Variants in DNAI4 observed in about 807,000 individuals in gnomAD.
The protein encoded by DNAI4 is dynein axonemal intermediate chain 4.
In DNAI4, 85 loss-of-function variants were observed where a neutral mutation model predicts 105.8. That is an observed-to-expected ratio of 0.80 (90% confidence interval 0.67 to 0.96). The LOEUF (loss-of-function observed/expected upper bound fraction) is 0.96. Ranked by LOEUF, DNAI4 falls within the 40% of genes least tolerant of loss-of-function variation. DNAI4 has a pLI of 0.00. For missense variants in DNAI4, 1,014 were observed against 1,005.6 expected, an observed-to-expected ratio of 1.01 and a Z score of -0.11; for synonymous variants, 352 against 331.5, an observed-to-expected ratio of 1.06 and a Z score of -0.67.
At chr1:66,908,541 T>G (rs905775565) in intron 1 of DNAI4, among the ~76,000 whole-genome samples, 1 of 152,248 alleles carries the variant, frequency 6.6e-6, no homozygotes, top group Non-Finnish European at 1.5e-5. Context: ...GGTAGTCCCC[T>G]GTGGTGTGGT....
intron 1 of DNAI4, among the ~76,000 whole-genome samples, chr1:66,922,187 A>C (rs1650537270): frequency 1.3e-5 from 2 of 152,130 alleles, no homozygotes; most frequent in Admixed American, 6.5e-5. Context: ...TCAGCCTCAT[A>C]AAGTGGTGGA....
Position 66,885,260 on chromosome 1 carries a change from G to A in DNAI4, c.643+5894C>T, listed in dbSNP as rs555249591. 7.2e-5 allele frequency among the ~76,000 whole-genome samples: 11 copies of A among 152,234 alleles called. No individual in the cohort carries two copies. In the South Asian group the frequency reaches 2.3e-3, roughly 32 times the overall value. On this transcript the variant is annotated intron_variant, in intron 4 of 16. Coordinates refer to ENST00000371026, the MANE Select transcript of DNAI4 (RefSeq NM_024763.5). ...AAGTATGTTTTATGGCCCAGAATGT[G>A]GTCTACAGAATGCCATCTAGCCTTT...
intron 2 of DNAI4, among the ~76,000 whole-genome samples, chr1:66,901,262 C>CT (rs199694283): frequency 1.1e-4 from 16 of 151,660 alleles, no homozygotes; most frequent in Middle Eastern, 3.4e-3. Context: ...GTTATTCACT[C>CT]TTTTTTTTCA....
At chr1:66,827,171 T>C (rs1388683820) in intron 14 of DNAI4, 125 bp from the exon 15 acceptor site, 5 of 772,776 alleles carry the variant, frequency 6.5e-6, no homozygotes, top group East Asian at 5.5e-5. Context: ...GTGGGCATTA[T>C]TTTAGTTGAG....
intron 1 of DNAI4, among the ~76,000 whole-genome samples, chr1:66,910,316 A>G (rs548888915): frequency 1.3e-5 from 2 of 152,348 alleles, no homozygotes; most frequent in East Asian, 3.9e-4. Context: ...TAAAAGCCTA[A>G]GTCCTTACTA....
At chr1:66,874,422 T>C (rs999117614) in intron 5 of DNAI4, among the ~76,000 whole-genome samples, 1 of 152,146 alleles carries the variant, frequency 6.6e-6, no homozygotes, top group Non-Finnish European at 1.5e-5. Context: ...GTCATTTCTT[T>C]CTTTTTAAAT....
chr1:66,845,286 G>A (rs1360419347), intron 8 of DNAI4, among the ~76,000 whole-genome samples: 2 of 126,410 alleles, frequency 1.6e-5, no homozygotes, highest in Non-Finnish European at 3.3e-5. Context: ...GTAAACAGAA[G>A]ATATTCAAGT....
At chr1:66,825,327 C>A (rs1236461141) in intron 15 of DNAI4, among the ~76,000 whole-genome samples, 1 of 151,238 alleles carries the variant, frequency 6.6e-6, no homozygotes, top group South Asian at 2.1e-4. Context: ...CTACAGGCGC[C>A]CGCCACCGCG....
chr1:66,872,002 G>A (rs1646856958), intron 5 of DNAI4, among the ~76,000 whole-genome samples: 1 of 152,074 alleles, frequency 6.6e-6, no homozygotes. Flanking sequence ...AATGCTGCAT[G>A]TGTGCTGAAA....
chr1:66,833,139 T>C (rs927290572), intron 13 of DNAI4, among the ~76,000 whole-genome samples: 2 of 152,142 alleles, frequency 1.3e-5, no homozygotes, highest in African/African-American at 2.4e-5. Flanking sequence ...GATCATAGTA[T>C]AGCCAACTAG....
rs1646126073 is a variant in DNAI4, at chr1:66,840,485, CAGGCA to C, written c.1473_1477del (p.Ala492GlufsTer2). On this transcript the variant is annotated frameshift_variant, in exon 9 of 17. Coordinates refer to ENST00000371026, the MANE Select transcript of DNAI4 (RefSeq NM_024763.5). LOFTEE classifies it high-confidence loss of function. ...ATAACTTACTGGATTTGTTTTATTC[CAGGCA>C]AGGCTGCTCACATTGAGGCCTTTGG... 2 of 1,613,866 alleles carry C rather than the reference CAGGCA, an allele frequency of 1.2e-6. No homozygotes were observed. Among genetic ancestry groups the C allele is most frequent in the East Asian group, 4.5e-5 (2 of 44,896 alleles).
chr1:66,912,714 C>T (rs1649754728), intron 1 of DNAI4, among the ~76,000 whole-genome samples: 1 of 152,138 alleles, frequency 6.6e-6, no homozygotes, highest in Non-Finnish European at 1.5e-5. Context: ...TCAACTTTGG[C>T]CAGATAAACT....
In DNAI4 at chr1:66,833,706, T is replaced by C. The variant is rs1221417769; in HGVS notation, c.1892A>G (p.Asp631Gly). ...WVIRKGLDCY[D>G]LMRLKRTTAA... ...TGTAGTTCTCTTTAATCGCATCAAA[T>C]CTGTATTTAAAGAAAAACATATATA... Residue 631 changes from aspartate (D) to glycine (G), a missense_variant and splice_region_variant, in exon 13 of 17, where the codon GAT becomes GGT. By Grantham distance (94) the Asp-to-Gly change is moderately conservative. Transcript: ENST00000371026. The C allele has an allele frequency of 6.2e-7, 1 of 1,611,132 alleles. No homozygotes were observed. Among genetic ancestry groups the C allele is most frequent in the Non-Finnish European group, 8.5e-7 (1 of 1,178,938 alleles).
chr1:66,824,768 A>G (rs1311341398), intron 15 of DNAI4, among the ~76,000 whole-genome samples: 1 of 152,184 alleles, frequency 6.6e-6, no homozygotes, highest in Non-Finnish European at 1.5e-5. Context: ...TTGTATCCTG[A>G]GAGTTTGCTG....
chr1:66,831,742 T>C (rs1312381881), intron 13 of DNAI4, among the ~76,000 whole-genome samples: 2 of 152,198 alleles, frequency 1.3e-5, no homozygotes, highest in East Asian at 1.9e-4. Flanking sequence ...TCATCATCTT[T>C]ACTCATCACT....
intron 2 of DNAI4, among the ~76,000 whole-genome samples, chr1:66,902,655 T>C (rs1046554258): frequency 4.6e-5 from 7 of 152,224 alleles, no homozygotes. Flanking sequence ...CCTATTTTCC[T>C]CTAGGAATTT....
chr1:66,922,638 T>C (rs927377467), intron 1 of DNAI4, among the ~76,000 whole-genome samples: 2 of 151,910 alleles, frequency 1.3e-5, no homozygotes, highest in African/African-American at 4.8e-5. Context: ...TACATGGGAG[T>C]GGTAGTCTGG....
At chr1:66,827,401 A>AG (rs1553210510) in intron 14 of DNAI4, among the ~76,000 whole-genome samples, 2 of 152,190 alleles carry the variant, frequency 1.3e-5, no homozygotes, top group Non-Finnish European at 2.9e-5. Flanking sequence ...CTGTAGTCCC[A>AG]GCTGCTTTAG....
At chr1:66,818,210 A>T (rs1005724258) in intron 16 of DNAI4, among the ~76,000 whole-genome samples, 1 of 152,014 alleles carries the variant, frequency 6.6e-6, no homozygotes, top group African/African-American at 2.4e-5. Context: ...TTAGACTTAC[A>T]ATCATGGATT....
Sources: gnomAD v4.1 joint callset for allele counts (sites outside exome capture counted in the v4.1 genomes callset) on GRCh38, gnomAD v4.1.1 for gene constraint, MANE v1.5 for transcripts, NCBI Gene and HGNC (gene_info 2026-07-23, HGNC 2026-07-21) for gene names.